ARHGAP26: variants seen among roughly 807,000 people sequenced by gnomAD.
ARHGAP26 encodes the protein rho GTPase-activating protein 26.
Under a neutral mutation model 104.8 loss-of-function variants are expected in ARHGAP26, and 38 were observed. The ratio of observed to expected loss-of-function variants is 0.36; its 90% CI spans 0.28 to 0.48. The LOEUF (loss-of-function observed/expected upper bound fraction) is 0.48, where lower values mean the gene tolerates loss of function less well. Ranked by LOEUF, ARHGAP26 falls within the 20% of genes least tolerant of loss-of-function variation. The probability of loss-of-function intolerance (pLI) is 0.99; values close to 1 mark genes in which losing one functional copy is unlikely to be tolerated. For synonymous variants in ARHGAP26, 341 were observed against 340.0 expected (o/e 1.00, Z -0.03); for missense variants, 704 against 947.9 (o/e 0.74, Z 3.38).
chr5:142,974,255 G>A (rs1347484120), intron 11 of ARHGAP26, among the ~76,000 whole-genome samples: 2 of 150,040 alleles, frequency 1.3e-5, no homozygotes, highest in East Asian at 2.0e-4. Context: ...AACCCAAATA[G>A]CCAGTGAAAC....
At position 143,041,899 on chromosome 5, in the gene ARHGAP26, C is replaced by T. The variant is rs754571590; in HGVS notation, c.1285+9C>T. The T allele has an allele frequency of 7.6e-5, 120 of 1,577,658 alleles. No homozygotes were observed. The highest frequency in any genetic ancestry group is 1.7e-4 in the Middle Eastern group (1 of 6,050). ...GCTGAGTGTCCTGATGGGTGAGTGCCGCAGTGGCTCTGCTAGGCAGGTCCC... is the reference window on the plus strand; with the variant it reads ...GCTGAGTGTCCTGATGGGTGAGTGCTGCAGTGGCTCTGCTAGGCAGGTCCC... On this transcript the variant is annotated intron_variant, in intron 14 of 22. Transcript: ENST00000645722.
At chr5:143,126,530 T>C (rs1796747781) in intron 18 of ARHGAP26, among the ~76,000 whole-genome samples, 1 of 152,212 alleles carries the variant, frequency 6.6e-6, no homozygotes, top group Non-Finnish European at 1.5e-5. Flanking sequence ...ATTAAACAAA[T>C]AACACAATAG....
intron 1 of ARHGAP26, among the ~76,000 whole-genome samples, chr5:142,797,334 G>A (rs1200220853): frequency 6.6e-6 from 1 of 152,194 alleles, no homozygotes; most frequent in Non-Finnish European, 1.5e-5. Flanking sequence ...TAATTAGATA[G>A]AATTGTGATC....
chr5:142,837,168 A>C (rs1769744500), intron 1 of ARHGAP26, among the ~76,000 whole-genome samples: 2 of 152,140 alleles, frequency 1.3e-5, no homozygotes, highest in Admixed American at 1.3e-4. Context: ...TGAAGTTTGG[A>C]GGCAAGAAGG....
intron 17 of ARHGAP26, among the ~76,000 whole-genome samples, chr5:143,066,631 C>G (rs1787533458): frequency 6.6e-6 from 1 of 152,222 alleles, no homozygotes; most frequent in Non-Finnish European, 1.5e-5. Flanking sequence ...TTCTTGCTGA[C>G]TAGATGGGGC....
At chr5:142,983,535 G>A (rs1272891397) in intron 11 of ARHGAP26, among the ~76,000 whole-genome samples, 1 of 152,096 alleles carries the variant, frequency 6.6e-6, no homozygotes, top group Non-Finnish European at 1.5e-5. Context: ...TTTTCAAAAT[G>A]GTCTGAGAAA....
At chr5:142,901,253 T>G (rs1000549343) in intron 6 of ARHGAP26, among the ~76,000 whole-genome samples, 2 of 152,176 alleles carry the variant, frequency 1.3e-5, no homozygotes, top group African/African-American at 4.8e-5. Context: ...AAGACAAGAC[T>G]AAACAATGAA....
At chr5:142,989,363 T>G (rs552251743) in intron 11 of ARHGAP26, among the ~76,000 whole-genome samples, 5 of 152,150 alleles carry the variant, frequency 3.3e-5, no homozygotes, top group Admixed American at 6.6e-5. Context: ...CCTCCATCCC[T>G]TTATTTTGAG....
At chr5:142,912,473 G>A (rs913368213) in intron 9 of ARHGAP26, among the ~76,000 whole-genome samples, 7 of 152,278 alleles carry the variant, frequency 4.6e-5, no homozygotes, top group East Asian at 1.9e-4. Flanking sequence ...ATTGTTTGCT[G>A]GCTTGGTTGT....
intron 22 of ARHGAP26, among the ~76,000 whole-genome samples, chr5:143,215,550 G>A (rs1013477143): frequency 4.6e-5 from 7 of 152,060 alleles, no homozygotes; most frequent in Admixed American, 2.0e-4. Context: ...TGCAACCATT[G>A]CCACTATATA....
At chr5:142,956,248 C>T (rs1178478848) in intron 11 of ARHGAP26, among the ~76,000 whole-genome samples, 1 of 152,084 alleles carries the variant, frequency 6.6e-6, no homozygotes, top group Non-Finnish European at 1.5e-5. Flanking sequence ...GACATCTTGT[C>T]TGTGTCCTGG....
intron 1 of ARHGAP26, among the ~76,000 whole-genome samples, chr5:142,818,216 G>GT: frequency 7.1e-6 from 1 of 141,126 alleles, no homozygotes; most frequent in African/African-American, 2.8e-5. Flanking sequence ...ACCAATTATT[G>GT]TAAAAAAAAA....
chr5:142,945,139 G>A (rs538832276), intron 11 of ARHGAP26, among the ~76,000 whole-genome samples: 1 of 152,028 alleles, frequency 6.6e-6, no homozygotes, highest in African/African-American at 2.4e-5. Context: ...TCTAACTCCC[G>A]AGTAGAAAGT....
chr5:143,167,307 TAAAAAAAAAAAA>T (rs35142931), intron 20 of ARHGAP26, among the ~76,000 whole-genome samples: 5 of 96,914 alleles, frequency 5.2e-5, no homozygotes, highest in Non-Finnish European at 8.0e-5. Flanking sequence ...ATCTCTACTT[TAAAAAAAAAAAA>T]AAAAAAAAAA....
At chr5:142,850,833 C>G (rs533627635) in intron 1 of ARHGAP26, among the ~76,000 whole-genome samples, 3 of 152,180 alleles carry the variant, frequency 2.0e-5, no homozygotes, top group Non-Finnish European at 4.4e-5. Context: ...GCTGGATAGC[C>G]AATGGATCTG....
intron 11 of ARHGAP26, among the ~76,000 whole-genome samples, chr5:142,965,856 C>T (rs1317535942): frequency 6.6e-6 from 1 of 152,096 alleles, no homozygotes; most frequent in Non-Finnish European, 1.5e-5. Flanking sequence ...TTGTTGGTCT[C>T]GTGTACTGGG....
In ARHGAP26 at chr5:143,079,748, T is replaced by A. The variant is rs553101091; in HGVS notation, c.1538+22001T>A. Among the ~76,000 whole-genome samples the A allele has an allele frequency of 3.3e-4, 50 of 152,354 alleles. 1 individual carries two copies. The highest frequency in any genetic ancestry group is 1.3e-4 in the Non-Finnish European group (9 of 68,026). ...CTGTGGACTCGTTTCCCTATAGCCT[T>A]AGCATGGTAACATTGGTGGAAATTG... On this transcript the variant is annotated intron_variant, in intron 17 of 22. Coordinates refer to ENST00000645722, the MANE Select transcript of ARHGAP26 (RefSeq NM_001135608.3).
At chr5:142,856,400 G>A (rs1752358119) in intron 1 of ARHGAP26, among the ~76,000 whole-genome samples, 1 of 152,246 alleles carries the variant, frequency 6.6e-6, no homozygotes, top group African/African-American at 2.4e-5. Context: ...GCCAGTGGGA[G>A]GGTGACTCTG....
intron 19 of ARHGAP26, among the ~76,000 whole-genome samples, chr5:143,144,930 A>G (rs1185172495): frequency 6.6e-6 from 1 of 152,180 alleles, no homozygotes; most frequent in East Asian, 1.9e-4. Context: ...TCTACAGATG[A>G]TGAGACCTTT....
Sources: gnomAD v4.1 joint callset for allele counts (sites outside exome capture counted in the v4.1 genomes callset) on GRCh38, gnomAD v4.1.1 for gene constraint, MANE v1.5 for transcripts, NCBI Gene and HGNC (gene_info 2026-07-23, HGNC 2026-07-21) for gene names.